Variants in PIP5K1A observed in about 807,000 individuals in gnomAD.
PIP5K1A encodes the protein phosphatidylinositol 4-phosphate 5-kinase type-1 alpha.
PIP5K1A carries 46 observed loss-of-function variants against 72.9 expected under a neutral mutation model. That is an observed-to-expected ratio of 0.63 (90% CI 0.50 to 0.81). The LOEUF is 0.81. PIP5K1A is among the 30% of genes least tolerant of loss of function. PIP5K1A has a pLI of 0.00. For synonymous variants in PIP5K1A, 228 were observed against 255.1 expected, an observed-to-expected ratio of 0.89 and a Z score of 1.01; for missense variants, 458 against 706.1, an observed-to-expected ratio of 0.65 and a Z score of 3.98.
intron 5 of PIP5K1A, 53 bp downstream of exon 5, chr1:151,231,854 C>A: frequency 1.3e-6 from 2 of 1,578,012 alleles, no homozygotes; most frequent in South Asian, 1.1e-5. Flanking sequence ...CTTTTCAAAT[C>A]AGCCCAGGGC....
chr1:151,208,953 C>G lies in PIP5K1A; in HGVS notation c.85+9872C>G, dbSNP rs587614992. On this transcript the variant is annotated intron_variant, in intron 1 of 15. Transcript: ENST00000368888. ...TTCACCGTGTTAGCCAGGATGGTCT[C>G]GATCTTCTGACCTGGTGATCTGCCT... Among the ~76,000 whole-genome samples, 31 of 150,652 alleles carry G rather than the reference C, an allele frequency of 2.1e-4. 1 individual carries two copies. In the South Asian group the frequency reaches 6.1e-3, roughly 29 times the overall value.
chr1:151,245,430 A>G lies in PIP5K1A; in HGVS notation c.1641-1490A>G, dbSNP rs1443937810. On this transcript the variant is annotated intron_variant, in intron 14 of 15. Transcript: ENST00000368888. The stretch of plus-strand genomic sequence containing the variant: ...ATATTCAGGACACTACCTTTTCACT[A>G]AAATGCTCCTCCAAGCCACCCCCAA... 2.0e-5 allele frequency among the ~76,000 whole-genome samples: 3 copies of G among 152,132 alleles called. No homozygotes were observed. The East Asian group carries it at 5.8e-4, about 29-fold the overall frequency.
In PIP5K1A at chr1:151,232,577, T is replaced by A. The variant is rs1419038173; in HGVS notation, c.513T>A (p.Ile171=). 6.2e-7 allele frequency: 1 copy of A among 1,607,090 alleles called. No individual in the cohort carries two copies. Among genetic ancestry groups the A allele is most frequent in the African/African-American group, 1.3e-5 (1 of 74,288 alleles). Residue 171 remains isoleucine (I), a synonymous_variant, in exon 7 of 16, where the codon ATT becomes ATA. Transcript: ENST00000368888. ...ATTCCCTCTGCAGTGAGCCGCTGAT[T>A]GAACTCTGTAGCTCTGGAGCTAGTG... ...YLYSLCSEPL[I]ELCSSGASGS... is the part of the protein sequence containing the mutation.
At chr1:151,243,541 G>C (rs1408883808) in intron 14 of PIP5K1A, among the ~76,000 whole-genome samples, 2 of 152,198 alleles carry the variant, frequency 1.3e-5, no homozygotes, top group Non-Finnish European at 2.9e-5. Flanking sequence ...CCAAAATCCA[G>C]GAAATGTTGG....
chr1:151,220,066 C>T (rs886766302), intron 1 of PIP5K1A, among the ~76,000 whole-genome samples: 2 of 151,278 alleles, frequency 1.3e-5, no homozygotes, highest in Admixed American at 1.3e-4. Context: ...AGTGCAGTGG[C>T]GCGATCTCAG....
At chr1:151,243,487 A>T (rs1309174060) in intron 14 of PIP5K1A, among the ~76,000 whole-genome samples, 1 of 152,164 alleles carries the variant, frequency 6.6e-6, no homozygotes, top group Non-Finnish European at 1.5e-5. Flanking sequence ...ATAAAAGGGG[A>T]GAATGGGAGG....
Position 151,248,600 on chromosome 1 carries a change from A to G in PIP5K1A, c.*735A>G, listed in dbSNP as rs1470019069. The G allele has an allele frequency of 6.6e-6, 1 of 152,640 alleles. No individual in the cohort carries two copies. The highest frequency in any genetic ancestry group is 1.5e-5 in the Non-Finnish European group (1 of 68,036). 9.5% of individuals were successfully genotyped at this position (152,640 alleles called of 1,614,324 possible). On this transcript the variant is annotated 3_prime_UTR_variant, in exon 16 of 16. Coordinates refer to ENST00000368888, the MANE Select transcript of PIP5K1A (RefSeq NM_001135638.2). Reference sequence around the variant, plus strand: ...CTCTTGATGAATTTCTTAAGGCTGAAGGAATGAAGAGAGTGGGACATGGGG... The same window carrying G: ...CTCTTGATGAATTTCTTAAGGCTGAGGGAATGAAGAGAGTGGGACATGGGG...
At chr1:151,228,689 G>A (rs1294328081) in intron 4 of PIP5K1A, among the ~76,000 whole-genome samples, 7 of 152,074 alleles carry the variant, frequency 4.6e-5, no homozygotes, top group Non-Finnish European at 8.8e-5. Flanking sequence ...CTCCCATTTA[G>A]CATCTGTGGT....
Position 151,208,453 on chromosome 1 carries a change from C to T in PIP5K1A, c.85+9372C>T, listed in dbSNP as rs114310683. Among the ~76,000 whole-genome samples, 424 of 150,798 alleles carry T rather than the reference C, an allele frequency of 2.8e-3. 2 individuals are homozygous for T. The highest frequency in any genetic ancestry group is 9.9e-3 in the African/African-American group (408 of 41,092). On this transcript the variant is annotated intron_variant, in intron 1 of 15. Coordinates refer to ENST00000368888, the MANE Select transcript of PIP5K1A (RefSeq NM_001135638.2). Reference sequence around the variant, plus strand: ...TTGGGTCACTGCAAGCTCCACTTCCCGCTTTCAAGCGATTCCCCTGCCTCA... The same window carrying T: ...TTGGGTCACTGCAAGCTCCACTTCCTGCTTTCAAGCGATTCCCCTGCCTCA...
At chr1:151,195,884 A>ATTTTTTTTTTTTTTTT, upstream of PIP5K1A, among the ~76,000 whole-genome samples, 11 of 62,294 alleles carry the variant, frequency 1.8e-4, 4 homozygotes, top group East Asian at 5.9e-4. Context: ...ACACCAGCCG[A>ATTTTTTTTTTTTTTTT]TTTTTTTTTT....
chr1:151,239,963 C>T lies in PIP5K1A; in HGVS notation c.1287C>T (p.Val429=). 1 of 1,611,650 alleles carries T rather than the reference C, an allele frequency of 6.2e-7. No homozygotes were observed. ...TTTCTTCTGCTCTGCAGGACACTGT[C>T]TCAGTGCATCGCCCAGGCTTCTACG... ...WKALVHDGDT[V]SVHRPGFYAE... is the part of the protein sequence containing the mutation. The change falls in exon 12 of 16, where the codon GTC becomes GTT. Residue 429 remains valine, a synonymous_variant. Transcript: ENST00000368888.
chr1:151,244,545 A>G (rs1365004338), intron 14 of PIP5K1A, among the ~76,000 whole-genome samples: 1 of 152,098 alleles, frequency 6.6e-6, no homozygotes, highest in Non-Finnish European at 1.5e-5. Context: ...AGTCCAAGTT[A>G]CTCAGGAGGC....
At chr1:151,236,468 C>A in intron 8 of PIP5K1A, 90 bp from the exon 9 acceptor site, 1 of 862,322 alleles carries the variant, frequency 1.2e-6, no homozygotes, top group Non-Finnish European at 1.8e-6. Context: ...AGATTGATAC[C>A]CTTTCTCAAA....
At chr1:151,233,752 G>A (rs907129342) in intron 7 of PIP5K1A, 1 of 158,490 alleles carries the variant, frequency 6.3e-6, no homozygotes, top group Non-Finnish European at 1.4e-5. Context: ...TTCGTCTTCT[G>A]TTCTTAGTTC....
chr1:151,246,544 A>G (rs962093438), intron 14 of PIP5K1A, among the ~76,000 whole-genome samples: 4 of 152,252 alleles, frequency 2.6e-5, no homozygotes, highest in Non-Finnish European at 5.9e-5. Context: ...TGGACATTCC[A>G]TCTCCTGTGC....
At chr1:151,201,697 A>G (rs1318832729) in intron 1 of PIP5K1A, among the ~76,000 whole-genome samples, 1 of 151,874 alleles carries the variant, frequency 6.6e-6, no homozygotes, top group African/African-American at 2.4e-5. Flanking sequence ...CATCTCTACT[A>G]AAAAATACAA....
At chr1:151,211,952 TAAAAA>T (rs888345541) in intron 1 of PIP5K1A, among the ~76,000 whole-genome samples, 11 of 146,378 alleles carry the variant, frequency 7.5e-5, no homozygotes, top group African/African-American at 2.8e-4. Context: ...AAACAAAAAA[TAAAAA>T]AAAAATTAGC....
intron 10 of PIP5K1A, among the ~76,000 whole-genome samples, chr1:151,238,898 G>A (rs1691255826): frequency 6.6e-6 from 1 of 152,016 alleles, no homozygotes; most frequent in South Asian, 2.1e-4. Context: ...GACATAAATT[G>A]CCCTTTTCCC....
chr1:151,222,864 A>G (rs1688575752), intron 1 of PIP5K1A, among the ~76,000 whole-genome samples: 1 of 152,184 alleles, frequency 6.6e-6, no homozygotes, highest in Non-Finnish European at 1.5e-5. Flanking sequence ...TTTGAATTTC[A>G]TGAAGGTCTA....
Sources: allele counts gnomAD v4.1 joint callset (sites outside exome capture counted in the v4.1 genomes callset), GRCh38; gene constraint gnomAD v4.1.1; transcripts MANE v1.5; gene names NCBI Gene and HGNC (gene_info 2026-07-23, HGNC 2026-07-21).